ULK4: variants seen among roughly 807,000 people sequenced by gnomAD.
The protein encoded by ULK4 is unc-51 like kinase 4, also known as inactive serine/threonine-protein kinase ULK4.
In ULK4, 133 loss-of-function variants were observed where a neutral mutation model predicts 160.6. The observed-to-expected ratio is 0.83, with a 90% CI of 0.72 to 0.96. The LOEUF (loss-of-function observed/expected upper bound fraction) is 0.96. ULK4 is among the 40% of genes least tolerant of loss of function. ULK4 has a pLI of 0.00. For missense variants in ULK4, 1,580 were observed against 1,499.5 expected (o/e 1.05, Z -0.89); for synonymous variants, 534 against 539.8 (o/e 0.99, Z 0.15).
intron 35 of ULK4, among the ~76,000 whole-genome samples, chr3:41,394,385 G>C (rs377520104): frequency 6.6e-6 from 1 of 152,074 alleles, no homozygotes; most frequent in Non-Finnish European, 1.5e-5. Context: ...TACAGATGGG[G>C]TTACTTCCCA....
chr3:41,753,023 G>C (rs2038682194), intron 22 of ULK4, among the ~76,000 whole-genome samples: 1 of 152,108 alleles, frequency 6.6e-6, no homozygotes, highest in Non-Finnish European at 1.5e-5. Flanking sequence ...GACCAGCCTG[G>C]ACAACACAGT....
At chr3:41,769,497 C>T (rs1050849521) in intron 21 of ULK4, among the ~76,000 whole-genome samples, 1 of 152,148 alleles carries the variant, frequency 6.6e-6, no homozygotes, top group Non-Finnish European at 1.5e-5. Flanking sequence ...TCATACAGCT[C>T]GACATACCCA....
At chr3:41,349,571 GC>G (rs1300827126) in intron 35 of ULK4, among the ~76,000 whole-genome samples, 1 of 152,176 alleles carries the variant, frequency 6.6e-6, no homozygotes, top group East Asian at 1.9e-4. Context: ...TTTAGGAGTA[GC>G]AGTGGTAGCA....
At chr3:41,624,344 G>A (rs899976240) in intron 30 of ULK4, among the ~76,000 whole-genome samples, 1 of 152,180 alleles carries the variant, frequency 6.6e-6, no homozygotes, top group Non-Finnish European at 1.5e-5. Flanking sequence ...GAACATAAAT[G>A]CCACGACTTC....
chr3:41,768,281 C>T (rs1057007578), intron 21 of ULK4, among the ~76,000 whole-genome samples: 1 of 152,124 alleles, frequency 6.6e-6, no homozygotes, highest in Non-Finnish European at 1.5e-5. Flanking sequence ...ACTATTTTAA[C>T]ATCTAATAAC....
chr3:41,696,407 G>A (rs2036502727), intron 27 of ULK4, among the ~76,000 whole-genome samples: 1 of 152,208 alleles, frequency 6.6e-6, no homozygotes. Context: ...AGGCAGGGAA[G>A]GGCCCCCTGT....
At chr3:41,316,244 A>C (rs1427085112) in intron 35 of ULK4, among the ~76,000 whole-genome samples, 6 of 152,346 alleles carry the variant, frequency 3.9e-5, no homozygotes, top group Admixed American at 3.9e-4. Context: ...AAATAGATAA[A>C]ATCTGAAAGC....
chr3:41,768,187 T>G (rs1301349475), intron 21 of ULK4, among the ~76,000 whole-genome samples: 1 of 152,138 alleles, frequency 6.6e-6, no homozygotes, highest in Non-Finnish European at 1.5e-5. Flanking sequence ...CCAGCTCTGG[T>G]CTGCTGGAAA....
At chr3:41,350,870 G>T (rs1445944535) in intron 35 of ULK4, among the ~76,000 whole-genome samples, 10 of 152,132 alleles carry the variant, frequency 6.6e-5, no homozygotes. Context: ...TCTTCTTCCA[G>T]CACAGGGAAG....
chr3:41,252,948 T>C (rs1446070914), intron 35 of ULK4, among the ~76,000 whole-genome samples: 1 of 152,168 alleles, frequency 6.6e-6, no homozygotes, highest in African/African-American at 2.4e-5. Context: ...ATTTGAATTA[T>C]TGTGAATTTC....
At chr3:41,873,872 G>GT (rs56104260) in intron 17 of ULK4, among the ~76,000 whole-genome samples, 26,887 of 148,360 alleles carry the variant, frequency 0.18, 2,458 homozygotes, top group Middle Eastern at 0.3. Flanking sequence ...TGTTTTTGTG[G>GT]TTTTTTTTGT....
At chr3:41,870,875 G>C (rs138307343) in intron 17 of ULK4, among the ~76,000 whole-genome samples, 3 of 152,096 alleles carry the variant, frequency 2.0e-5, no homozygotes, top group African/African-American at 4.8e-5. Context: ...ACCCTGAATC[G>C]TAATAATCCC....
intron 35 of ULK4, among the ~76,000 whole-genome samples, chr3:41,270,307 C>T (rs573161902): frequency 6.6e-6 from 1 of 152,250 alleles, no homozygotes; most frequent in African/African-American, 2.4e-5. Flanking sequence ...CCATCATTCC[C>T]AACCCAGCTG....
At chr3:41,690,879 G>A (rs961808101) in intron 27 of ULK4, among the ~76,000 whole-genome samples, 5 of 151,838 alleles carry the variant, frequency 3.3e-5, no homozygotes, top group African/African-American at 1.2e-4. Flanking sequence ...AGCTCATAAT[G>A]TTATAGCAGG....
intron 22 of ULK4, among the ~76,000 whole-genome samples, chr3:41,727,178 C>G (rs552503737): frequency 3.3e-5 from 5 of 152,294 alleles, no homozygotes; most frequent in African/African-American, 1.2e-4. Flanking sequence ...CTCTGTGATT[C>G]TAAGGCCAAA....
intron 30 of ULK4, among the ~76,000 whole-genome samples, chr3:41,640,516 T>C (rs1452250662): frequency 6.6e-6 from 1 of 152,184 alleles, no homozygotes; most frequent in African/African-American, 2.4e-5. Flanking sequence ...AGCAAAGAAC[T>C]GAGGAGGTGA....
At chr3:41,834,879 A>C (rs973615193) in intron 18 of ULK4, among the ~76,000 whole-genome samples, 2 of 152,330 alleles carry the variant, frequency 1.3e-5, no homozygotes, top group African/African-American at 4.8e-5. Context: ...CCCCATCTTC[A>C]CAAAATATAC....
At chr3:41,398,553 A>ATT (rs11321558) in intron 34 of ULK4, among the ~76,000 whole-genome samples, 22,187 of 130,426 alleles carry the variant, frequency 0.17, 1,975 homozygotes, top group Admixed American at 0.2. Context: ...TGCCCAGCTA[A>ATT]TTTTTTTTTT....
intron 32 of ULK4, among the ~76,000 whole-genome samples, chr3:41,466,230 A>G (rs138579012): frequency 7.7e-4 from 118 of 152,290 alleles, no homozygotes; most frequent in South Asian, 1.7e-3. Flanking sequence ...GTTTCATTCA[A>G]TGAGAATGTG....
Sources: allele counts gnomAD v4.1 joint callset (sites outside exome capture counted in the v4.1 genomes callset), GRCh38; gene constraint gnomAD v4.1.1; transcripts MANE v1.5; gene names NCBI Gene and HGNC (gene_info 2026-07-23, HGNC 2026-07-21).